Variants in BLTP1 observed in about 807,000 individuals in gnomAD.
BLTP1 encodes bridge-like lipid transfer protein family member 1.
the BLTP1 span, among the ~76,000 whole-genome samples, chr4:122,329,012 C>T: frequency 6.6e-6 from 1 of 151,740 alleles, no homozygotes; most frequent in Non-Finnish European, 1.5e-5. Context: ...AACTCTCTGT[C>T]TTCAATCTTC....
At chr4:122,241,993 G>A in the BLTP1 span, among the ~76,000 whole-genome samples, 1 of 152,178 alleles carries the variant, frequency 6.6e-6, no homozygotes, top group Non-Finnish European at 1.5e-5. Flanking sequence ...TGGTGAGGAT[G>A]TAGAGAAAAG....
chr4:122,330,987 T>C, the BLTP1 span: 1 of 975,930 alleles, frequency 1.0e-6, no homozygotes, highest in Non-Finnish European at 1.2e-6. Flanking sequence ...CTTGTTGTTC[T>C]GTCTTTAATA....
At chr4:122,178,019 TAGA>T in the BLTP1 span, 1 of 679,498 alleles carries the variant, frequency 1.5e-6, no homozygotes, top group Non-Finnish European at 1.8e-6. Context: ...GCTTAGTACA[TAGA>T]AGAACTCATT....
the BLTP1 span, among the ~76,000 whole-genome samples, chr4:122,295,524 G>A: frequency 3.3e-5 from 5 of 152,048 alleles, no homozygotes; most frequent in African/African-American, 9.7e-5. Flanking sequence ...ACAAAGAAGA[G>A]CTTGTACCAT....
chr4:122,211,557 C>T, the BLTP1 span, among the ~76,000 whole-genome samples: 8 of 152,094 alleles, frequency 5.3e-5, no homozygotes, highest in Non-Finnish European at 1.0e-4. Flanking sequence ...TTGCTTGGTG[C>T]TTTATTTGAA....
the BLTP1 span, among the ~76,000 whole-genome samples, chr4:122,211,382 A>G: frequency 6.6e-6 from 1 of 151,088 alleles, no homozygotes. Flanking sequence ...GGTAAGCTAG[A>G]GGGATAGCTA....
At chr4:122,299,021 G>A in the BLTP1 span, 2 of 985,390 alleles carry the variant, frequency 2.0e-6, no homozygotes, top group Non-Finnish European at 2.4e-6. Context: ...TTCAGGAAAA[G>A]ACTGAGGGTC....
chr4:122,200,766 G>C, the BLTP1 span: 109 of 916,542 alleles, frequency 1.2e-4, 1 homozygote, highest in East Asian at 5.5e-3. Flanking sequence ...CAACACTGTA[G>C]CCTGATTTGT....
chr4:122,317,566 G>A, the BLTP1 span, among the ~76,000 whole-genome samples: 12 of 150,750 alleles, frequency 8.0e-5, no homozygotes, highest in African/African-American at 1.7e-4. Context: ...GCTAAACTTC[G>A]CAATTTTATT....
the BLTP1 span, among the ~76,000 whole-genome samples, chr4:122,360,285 T>A: frequency 1.2e-4 from 18 of 152,212 alleles, no homozygotes; most frequent in African/African-American, 4.3e-4. Flanking sequence ...ACTACAATTA[T>A]CCCAATTAAA....
At chr4:122,201,234 T>G in the BLTP1 span, 1 of 792,338 alleles carries the variant, frequency 1.3e-6, no homozygotes. Flanking sequence ...GATTCATATT[T>G]TCTTCAACAT....
the BLTP1 span, among the ~76,000 whole-genome samples, chr4:122,278,325 C>T: frequency 7.2e-4 from 109 of 152,172 alleles, 1 homozygote; most frequent in African/African-American, 2.6e-3. Flanking sequence ...AAGAGAAATG[C>T]GCACCCTTTA....
chr4:122,201,651 A>G, the BLTP1 span, among the ~76,000 whole-genome samples: 3 of 152,216 alleles, frequency 2.0e-5, no homozygotes, highest in Non-Finnish European at 4.4e-5. Flanking sequence ...TTTTGTGACT[A>G]TAAGAACACA....
chr4:122,287,494 C>T, the BLTP1 span: 15 of 769,108 alleles, frequency 2.0e-5, no homozygotes, highest in Non-Finnish European at 2.4e-5. Flanking sequence ...CTGAGAGAGG[C>T]AGGAGCCACG....
At chr4:122,332,629 C>CTTTTTTTTTTTTTTTTT in the BLTP1 span, among the ~76,000 whole-genome samples, 1 of 142,552 alleles carries the variant, frequency 7.0e-6, no homozygotes. Flanking sequence ...TAAAAGTTTG[C>CTTTTTTTTTTTTTTTTT]TTTTTTTTTT....
At chr4:122,319,805 C>T in the BLTP1 span, among the ~76,000 whole-genome samples, 4 of 152,098 alleles carry the variant, frequency 2.6e-5, no homozygotes, top group East Asian at 1.9e-4. Flanking sequence ...TCCCAAAATG[C>T]TGGGATTACA....
chr4:122,353,217 A>G, the BLTP1 span: 1 of 1,570,074 alleles, frequency 6.4e-7, no homozygotes, highest in Non-Finnish European at 8.6e-7. This position sits in a 1 kb window ranked among gnomAD's most constrained non-coding sequence, Gnocchi z 4.3. Context: ...ATAAATGACA[A>G]TTGTATTTCT....
the BLTP1 span, chr4:122,305,781 T>C: frequency 7.3e-7 from 1 of 1,369,108 alleles, no homozygotes; most frequent in Non-Finnish European, 9.6e-7. Flanking sequence ...AAATGTATTA[T>C]AGTTTTTTTG....
chr4:122,305,223 A>G, the BLTP1 span: 1 of 982,408 alleles, frequency 1.0e-6, no homozygotes, highest in African/African-American at 1.7e-5. Context: ...TATCTTCGTA[A>G]TCATTTGCTT....
Sources: gnomAD v4.1 joint callset for allele counts (sites outside exome capture counted in the v4.1 genomes callset) on GRCh38, gnomAD v4.1.1 for gene constraint, Gnocchi (gnomAD v3.1) non-coding constraint, MANE v1.5 for transcripts, NCBI Gene and HGNC (gene_info 2026-07-23, HGNC 2026-07-21) for gene names.